SENP7: variants seen among roughly 807,000 people sequenced by gnomAD.
SENP7 encodes sentrin-specific protease 7.
A neutral mutation model predicts 141.2 loss-of-function variants in SENP7; 64 were observed. That is an observed-to-expected ratio of 0.45 (90% CI 0.37 to 0.56). The LOEUF is 0.56. SENP7 is among the 20% of genes least tolerant of loss of function. SENP7 has a pLI of 0.00. For synonymous variants in SENP7, 382 were observed against 426.4 expected (o/e 0.90, Z 1.28); for missense variants, 1,025 against 1,212.2 (o/e 0.85, Z 2.29).
rs773425178 is a variant in SENP7 at position 101,326,091 on chromosome 3, G to GA, written c.3016-12dup. ...GTTAACAATAGGATCCTAATGAGAG[G>GA]AAAAAAAGAGTGTAATCACTTTAGC... On this transcript the variant is annotated splice_polypyrimidine_tract_variant and intron_variant, in intron 23 of 23. Coordinates refer to ENST00000394095, the MANE Select transcript of SENP7 (RefSeq NM_020654.5). The GA allele has an allele frequency of 6.5e-7, 1 of 1,547,610 alleles. No homozygotes were observed. The highest frequency in any genetic ancestry group is 8.7e-7 in the Non-Finnish European group (1 of 1,150,436).
At chr3:101,331,883 T>TGATA in intron 19 of SENP7, 102 bp downstream of exon 19, 1 of 1,133,284 alleles carries the variant, frequency 8.8e-7, no homozygotes, top group Non-Finnish European at 1.3e-6. Flanking sequence ...GTAGGTTTAA[T>TGATA]GATAGTAAAT....
chr3:101,328,528 T>C lies in SENP7; in HGVS notation c.2814A>G (p.Leu938=), dbSNP rs779663024. The C allele has an allele frequency of 1.2e-6, 2 of 1,612,600 alleles. No homozygotes were observed. Among genetic ancestry groups the C allele is most frequent in the East Asian group, 2.2e-5 (1 of 44,704 alleles). ...KMCKRPCILI[L]DSLKAASVQN... is the part of the protein sequence containing the mutation. ...GTACAGAAGCAGCTTTCAAGGAGTC[T>C]AGTATAAGAATACATGGCCTATGAA... Residue 938 remains leucine (L), a synonymous_variant, in exon 22 of 24, where the codon CTA becomes CTG. Transcript: ENST00000394095.
chr3:101,431,674 C>T (rs1035825622), intron 4 of SENP7, among the ~76,000 whole-genome samples: 8 of 151,812 alleles, frequency 5.3e-5, no homozygotes, highest in African/African-American at 1.5e-4. Flanking sequence ...GTCCTAGCTA[C>T]TCGGGAGGCT....
At chr3:101,448,520 G>A (rs763878257) in intron 4 of SENP7, among the ~76,000 whole-genome samples, 22 of 152,218 alleles carry the variant, frequency 1.4e-4, no homozygotes, top group Non-Finnish European at 2.2e-4. Context: ...CAGAACAGCG[G>A]ATACTGGTGA....
intron 6 of SENP7, among the ~76,000 whole-genome samples, chr3:101,395,463 T>C (rs1482212241): frequency 3.9e-5 from 6 of 152,218 alleles, no homozygotes; most frequent in African/African-American, 7.2e-5. Context: ...TATGGATTTA[T>C]TTATAGGTTC....
intron 4 of SENP7, among the ~76,000 whole-genome samples, chr3:101,445,481 A>G (rs772947192): frequency 2.6e-5 from 4 of 152,310 alleles, no homozygotes; most frequent in African/African-American, 9.6e-5. Flanking sequence ...TAAACAATAA[A>G]GAGAAAGAAA....
At chr3:101,493,260 G>A (rs2065033084) in intron 3 of SENP7, among the ~76,000 whole-genome samples, 1 of 152,080 alleles carries the variant, frequency 6.6e-6, no homozygotes, top group East Asian at 1.9e-4. Flanking sequence ...ATGGGAGGAG[G>A]GAGAGGAACA....
In SENP7 at chr3:101,340,169, T is replaced by C. The variant is rs2059293281; in HGVS notation, c.2283A>G (p.Gly761=). 6.2e-7 allele frequency: 1 copy of C among 1,602,196 alleles called. No homozygotes were observed. ...YPPPPTKGGL[G]VTNEDLECLE... ...AACACTCCAGATCTTCATTAGTTACTCCTAATCCCCCCTTAGTAGGTGGTG... is the reference window on the plus strand; with the variant it reads ...AACACTCCAGATCTTCATTAGTTACCCCTAATCCCCCCTTAGTAGGTGGTG... Residue 761 remains glycine, a synonymous_variant, in exon 16 of 24, where the codon GGA becomes GGG. Coordinates refer to ENST00000394095, the MANE Select transcript of SENP7 (RefSeq NM_020654.5).
At chr3:101,333,648 A>G (rs1415228820) in intron 17 of SENP7, among the ~76,000 whole-genome samples, 1 of 152,224 alleles carries the variant, frequency 6.6e-6, no homozygotes, top group Non-Finnish European at 1.5e-5. Flanking sequence ...ACACAAGGAA[A>G]CTACAGGATG....
chr3:101,335,614 G>GT (rs11425690), intron 17 of SENP7, among the ~76,000 whole-genome samples: 60,258 of 151,720 alleles, frequency 0.4, 12,486 homozygotes, highest in Admixed American at 0.54. Context: ...CACAATATCT[G>GT]TTTTTTGAAA....
At chr3:101,457,995 T>C (rs1393452691) in intron 4 of SENP7, among the ~76,000 whole-genome samples, 1 of 152,244 alleles carries the variant, frequency 6.6e-6, no homozygotes, top group Admixed American at 6.5e-5. Flanking sequence ...ATTCCATCTC[T>C]CAAACCAAGT....
At chr3:101,330,277 T>A in intron 20 of SENP7, 57 bp downstream of exon 20, 1 of 1,288,206 alleles carries the variant, frequency 7.8e-7, no homozygotes. Flanking sequence ...ATTTTACAGA[T>A]AACATTATTA....
chr3:101,474,747 G>A (rs1282788754), intron 3 of SENP7, among the ~76,000 whole-genome samples: 1 of 152,112 alleles, frequency 6.6e-6, no homozygotes, highest in Admixed American at 6.5e-5. Context: ...GGGCATCCTG[G>A]TCTTCTGGCA....
chr3:101,433,382 AG>A (rs1368497131), intron 4 of SENP7, among the ~76,000 whole-genome samples: 1 of 151,888 alleles, frequency 6.6e-6, no homozygotes, highest in African/African-American at 2.4e-5. Flanking sequence ...CAAAACAATC[AG>A]AAAACAATTA....
At chr3:101,403,155 G>A (rs528954756) in intron 5 of SENP7, among the ~76,000 whole-genome samples, 44 of 152,242 alleles carry the variant, frequency 2.9e-4, no homozygotes, top group African/African-American at 5.8e-4. Context: ...CCAGACCCCC[G>A]CCATAAAGTG....
chr3:101,370,822 G>C (rs888287968), intron 7 of SENP7, among the ~76,000 whole-genome samples: 2 of 152,028 alleles, frequency 1.3e-5, no homozygotes, highest in Non-Finnish European at 2.9e-5. Context: ...GTTTCAGCTG[G>C]TTTCTTGTAC....
At chr3:101,503,748 A>G (rs1356020992) in intron 1 of SENP7, among the ~76,000 whole-genome samples, 1 of 151,876 alleles carries the variant, frequency 6.6e-6, no homozygotes, top group Non-Finnish European at 1.5e-5. Flanking sequence ...GAGTTTGAGA[A>G]CAGCCTGGGC....
chr3:101,336,409 A>G (rs1179149672), intron 17 of SENP7, among the ~76,000 whole-genome samples: 1 of 152,174 alleles, frequency 6.6e-6, no homozygotes, highest in Non-Finnish European at 1.5e-5. Flanking sequence ...GCAATCTAGT[A>G]CAATAAAAAC....
chr3:101,409,692 ACT>A (rs1360846181), intron 5 of SENP7, among the ~76,000 whole-genome samples: 5 of 152,122 alleles, frequency 3.3e-5, no homozygotes, highest in Non-Finnish European at 4.4e-5. Flanking sequence ...AGGAAAGAAC[ACT>A]CTTTTCAACA....
Sources: gnomAD v4.1 joint callset for allele counts (sites outside exome capture counted in the v4.1 genomes callset) on GRCh38, gnomAD v4.1.1 for gene constraint, MANE v1.5 for transcripts, NCBI Gene and HGNC (gene_info 2026-07-23, HGNC 2026-07-21) for gene names.